FBXW5: variants seen among roughly 807,000 people sequenced by gnomAD.
The protein encoded by FBXW5 is F-box/WD repeat-containing protein 5.
FBXW5 carries 74 observed loss-of-function variants against 50.9 expected under a neutral mutation model. The observed-to-expected ratio is 1.45, with a 90% CI of 1.20 to 1.76. The LOEUF (loss-of-function observed/expected upper bound fraction) is 1.76. Ranked by LOEUF, FBXW5 falls within the 40% of genes most tolerant of loss-of-function variation. The pLI is 0.00. For synonymous variants in FBXW5, 523 were observed against 362.2 expected, an observed-to-expected ratio of 1.44 and a Z score of -5.04; for missense variants, 1,073 against 818.8, an observed-to-expected ratio of 1.31 and a Z score of -3.79.
chr9:136,942,397 C>A lies in FBXW5; in HGVS notation c.745G>T (p.Val249Phe). ...CAGTCGGCCACCATCACCGTGCGGA[C>A]GGTGCTGGCATTGAGGTTCTGGATC... ...FKIQNLNAST[V>F]RTVMVADCSR... The change falls in exon 6 of 9, where the codon GTC becomes TTC. Residue 249 changes from valine (V) to phenylalanine (F), a missense_variant. Coordinates refer to ENST00000325285, the MANE Select transcript of FBXW5 (RefSeq NM_018998.4). 1 of 1,611,086 alleles carries A rather than the reference C, an allele frequency of 6.2e-7. No individual in the cohort carries two copies. Among genetic ancestry groups the A allele is most frequent in the African/African-American group, 1.3e-5 (1 of 75,020 alleles).
At chr9:136,944,426 G>A in intron 1 of FBXW5, 168 bp downstream of exon 1, 1 of 873,236 alleles carries the variant, frequency 1.1e-6, no homozygotes, top group Non-Finnish European at 1.4e-6. Flanking sequence ...GAGGAAGCTC[G>A]GGGCGGCCAG....
At position 136,941,245 on chromosome 9, in the gene FBXW5, C is replaced by T. The variant is rs766968739; in HGVS notation, c.1457+6G>A. On this transcript the variant is annotated splice_donor_region_variant and intron_variant, in intron 8 of 8. Transcript: ENST00000325285. ...CACCCGCCCTGCACCACGCCGCGCC[C>T]TGCACCTGGCCACGAAGTCCCTGCT... is the stretch of plus-strand genomic sequence containing the variant. 1.2e-6 allele frequency: 2 copies of T among 1,603,530 alleles called. No individual in the cohort carries two copies. The highest frequency in any genetic ancestry group is 1.7e-6 in the Non-Finnish European group (2 of 1,179,006).
Position 136,942,592 on chromosome 9 carries a change from T to C in FBXW5, c.630A>G (p.Gly210=). 1 of 1,610,958 alleles carries C rather than the reference T, an allele frequency of 6.2e-7. No individual in the cohort carries two copies. Among genetic ancestry groups the C allele is most frequent in the Non-Finnish European group, 8.5e-7 (1 of 1,179,320 alleles). The part of the protein sequence containing the change: ...SLISGNLHRI[G]DITSCSVLWL... Reference sequence around the variant, plus strand: ...ACAGCACCGAGCAGGAGGTGATATCTCCGATGCGGTGCAGGTTCCCCGAGA... The same window carrying C: ...ACAGCACCGAGCAGGAGGTGATATCCCCGATGCGGTGCAGGTTCCCCGAGA... Residue 210 remains glycine, a synonymous_variant, in exon 5 of 9, where the codon GGA becomes GGG. Transcript: ENST00000325285.
rs760513187 is a variant in FBXW5 at position 136,942,996 on chromosome 9, G to T, written c.352-53C>A. The T allele has an allele frequency of 4.4e-6, 7 of 1,607,458 alleles. No homozygotes were observed. The South Asian group carries it at 4.4e-5, about 10-fold the overall frequency. Reference sequence around the variant, plus strand: ...CGCCTGGCCAGGTCGCGGGGCGGGGGCCTGCTACTACACAGCCATGAGGCC... The same window carrying T: ...CGCCTGGCCAGGTCGCGGGGCGGGGTCCTGCTACTACACAGCCATGAGGCC... On this transcript the variant is annotated intron_variant, in intron 3 of 8. Transcript: ENST00000325285.
Position 136,943,355 on chromosome 9 carries a change from A to G in FBXW5, c.345T>C (p.Thr115=), listed in dbSNP as rs147821001. 1.3e-3 allele frequency: 2,096 copies of G among 1,611,516 alleles called. 22 individuals are homozygous for G. The South Asian group carries it at 0.014, about 11-fold the overall frequency. Residue 115 remains threonine (T), a synonymous_variant, in exon 3 of 9, where the codon ACT becomes ACC. Coordinates refer to ENST00000325285, the MANE Select transcript of FBXW5 (RefSeq NM_018998.4). ...YQFASCSKDC[T]VKIWSNDLTI... ...GACACCTGGCCGTCCTCACCTTCAC[A>G]GTGCAGTCCTTGGAGCAGGACGCGA...
intron 4 of FBXW5, 23 bp from the exon 5 acceptor site, chr9:136,942,718 C>T (rs975725477): frequency 6.2e-7 from 1 of 1,609,946 alleles, no homozygotes; most frequent in Non-Finnish European, 8.5e-7. Context: ...CGGGGCTGGA[C>T]AGGCTGTCGG....
chr9:136,944,699 C>T lies in FBXW5; in HGVS notation c.-129G>A, dbSNP rs973435149. 2.0e-6 allele frequency: 2 copies of T among 985,566 alleles called. No homozygotes were observed. The highest frequency in any genetic ancestry group is 1.2e-4 in the Admixed American group (2 of 16,254). 61.1% of individuals were successfully genotyped at this position (985,566 alleles called of 1,614,324 possible). A position where few individuals can be genotyped will look rare whatever the true frequency, so the allele number is the denominator to read the frequency against. ...CGCCCCCGCCCAACGGGGAGCCCGC[C>T]AGGCCCGACGCCACGAGCCCCGAGG... is the stretch of plus-strand genomic sequence containing the variant. On this transcript the variant is annotated 5_prime_UTR_variant, in exon 1 of 9. The change creates a premature stop within an existing upstream ORF in the 5' untranslated region. Coordinates refer to ENST00000325285, the MANE Select transcript of FBXW5 (RefSeq NM_018998.4).
At chr9:136,943,790 C>CGCGGGGCCGCGGG in intron 2 of FBXW5, 101 bp downstream of exon 2, 2 of 1,320,614 alleles carry the variant, frequency 1.5e-6, no homozygotes, top group East Asian at 2.5e-5. Flanking sequence ...AGCATGGACA[C>CGCGGGGCCGCGGG]GCGGGGCCGC....
chr9:136,943,595 C>T, intron 2 of FBXW5, 89 bp from the exon 3 acceptor site: 4 of 1,479,932 alleles, frequency 2.7e-6, no homozygotes, highest in Non-Finnish European at 3.6e-6. Flanking sequence ...TCCTGGCAGG[C>T]CCCGTGGTGC....
rs936028025 is a variant in FBXW5 at position 136,940,839 on chromosome 9, G to A, written c.*89C>T. The A allele has an allele frequency of 4.7e-6, 7 of 1,483,926 alleles. No homozygotes were observed. The highest frequency in any genetic ancestry group is 2.8e-5 in the African/African-American group (2 of 71,776). 91.9% of individuals were successfully genotyped at this position (1,483,926 alleles called of 1,614,324 possible). A position where few individuals can be genotyped will look rare whatever the true frequency, so the allele number is the denominator to read the frequency against. On this transcript the variant is annotated 3_prime_UTR_variant, in exon 9 of 9. Transcript: ENST00000325285. ...CCTTCCTAAGGCGTAACTGCTATAAGCATCTCCACCTCTCCCGCTCGGGAA... is the reference window on the plus strand; with the variant it reads ...CCTTCCTAAGGCGTAACTGCTATAAACATCTCCACCTCTCCCGCTCGGGAA...
At position 136,942,831 on chromosome 9, in the gene FBXW5, G is replaced by T. The variant is rs764995479; in HGVS notation, c.464C>A (p.Ala155Asp). 29 of 1,613,266 alleles carry T rather than the reference G, an allele frequency of 1.8e-5. No homozygotes were observed. Among genetic ancestry groups the T allele is most frequent in the Non-Finnish European group, 2.5e-5 (29 of 1,179,990 alleles). The change falls in exon 4 of 9, where the codon GCC (alanine) becomes GAC (aspartate). Residue 155 changes from alanine (A) to aspartate (D), a missense_variant. Transcript: ENST00000325285. The part of the protein sequence containing the change: ...QFNKDDSLLL[A>D]SGVFLGPHNS... ...GTGCGGCCCCAGGAACACCCCCGAG[G>T]CCAGCAGTAGCGAGTCGTCCTTGTT...
At position 136,944,690 on chromosome 9, in the gene FBXW5, G is replaced by A. The variant is rs1850969788; in HGVS notation, c.-120C>T. 6 of 985,670 alleles carry A rather than the reference G, an allele frequency of 6.1e-6. No individual in the cohort carries two copies. The highest frequency in any genetic ancestry group is 9.1e-5 in the South Asian group (2 of 21,890). 61.1% of individuals were successfully genotyped at this position (985,670 alleles called of 1,614,324 possible). ...TCGGACCGCCGCCCCCGCCCAACGG[G>A]GAGCCCGCCAGGCCCGACGCCACGA... is the stretch of plus-strand genomic sequence containing the variant. On this transcript the variant is annotated 5_prime_UTR_variant, in exon 1 of 9. Transcript: ENST00000325285.
Position 136,941,121 on chromosome 9 carries a change from C to T in FBXW5, c.1508G>A (p.Cys503Tyr), listed in dbSNP as rs1384068457. The change falls in exon 9 of 9, where the codon TGT becomes TAT. Residue 503 changes from cysteine to tyrosine, a missense_variant. By Grantham distance (194) the Cys-to-Tyr change is radical. Coordinates refer to ENST00000325285, the MANE Select transcript of FBXW5 (RefSeq NM_018998.4). ...ATCCTCGTGCCGCAGCCTGGCCAGA[C>T]AGATGTTGTAGTGGCGGTCCCAGAT... ...GYIWDRHYNI[C>Y]LARLRHEDVV... 8 of 1,600,100 alleles carry T rather than the reference C, an allele frequency of 5.0e-6. No individual in the cohort carries two copies. The highest frequency in any genetic ancestry group is 1.7e-5 in the Admixed American group (1 of 58,020).
Position 136,942,264 on chromosome 9 carries a change from G to C in FBXW5, c.878C>G (p.Pro293Arg). ...GCCCTCCTTGGCGTGGGCGGGGGCC[G>C]GGCCAGCCACCACCTCCTCGTTGTC... ...GSDNEEVVAG[P>R]APAHAKEGLR... Residue 293 changes from proline to arginine, a missense_variant, in exon 6 of 9, where the codon CCG becomes CGG. By Grantham distance (103) the Pro-to-Arg change is moderately radical (BLOSUM62 -2). Transcript: ENST00000325285. The C allele has an allele frequency of 1.3e-6, 2 of 1,581,792 alleles. No individual in the cohort carries two copies. The highest frequency in any genetic ancestry group is 1.3e-5 in the African/African-American group (1 of 74,424).
At chr9:136,942,727 G>A (rs368508014) in intron 4 of FBXW5, 32 bp from the exon 5 acceptor site, 131 of 1,610,536 alleles carry the variant, frequency 8.1e-5, no homozygotes, top group South Asian at 3.4e-4. Context: ...ACAGGCTGTC[G>A]GCGTGGGGCG....
In FBXW5 at chr9:136,944,711, C is replaced by T. The variant is rs976139525; in HGVS notation, c.-141G>A. ...ACGGGGAGCCCGCCAGGCCCGACGCCACGAGCCCCGAGGCATCGATGGCCG... is the reference window on the plus strand; with the variant it reads ...ACGGGGAGCCCGCCAGGCCCGACGCTACGAGCCCCGAGGCATCGATGGCCG... On this transcript the variant is annotated 5_prime_UTR_variant, in exon 1 of 9. The change creates a premature stop within an existing upstream ORF in the 5' untranslated region. Transcript: ENST00000325285. The T allele has an allele frequency of 1.2e-5, 12 of 985,626 alleles. No individual in the cohort carries two copies. The highest frequency in any genetic ancestry group is 7.0e-5 in the African/African-American group (4 of 57,246). The allele number at this position is 985,626 out of a possible 1,614,324, so 61.1% of individuals were successfully genotyped here.
intron 6 of FBXW5, 107 bp from the exon 7 acceptor site, chr9:136,941,791 G>T: frequency 1.4e-6 from 2 of 1,456,480 alleles, no homozygotes; most frequent in Non-Finnish European, 1.8e-6. Flanking sequence ...CACCACAGAG[G>T]TCCGTGGGCA....
chr9:136,944,305 C>T (rs938602820), intron 1 of FBXW5, 199 bp from the exon 2 acceptor site: 198 of 622,142 alleles, frequency 3.2e-4, no homozygotes, highest in Non-Finnish European at 4.3e-4. Context: ...GCCGCGTCAT[C>T]CCCCGGCCTC....
chr9:136,944,564 G>C (rs1006201076), intron 1 of FBXW5, 30 bp downstream of exon 1: 8 of 983,634 alleles, frequency 8.1e-6, no homozygotes, highest in Non-Finnish European at 8.4e-6. Context: ...ACGACAAGGC[G>C]GGACCCCCGA....
Sources: allele counts gnomAD v4.1 joint callset, GRCh38; gene constraint gnomAD v4.1.1; transcripts MANE v1.5; gene names NCBI Gene and HGNC (gene_info 2026-07-23, HGNC 2026-07-21).